CBLN2: variants seen among roughly 807,000 people sequenced by gnomAD.
The protein encoded by CBLN2 is cerebellin-2.
In CBLN2, 7 loss-of-function variants were observed where a neutral mutation model predicts 15.0. That is an observed-to-expected ratio of 0.47 (90% confidence interval 0.27 to 0.88). CBLN2 has a LOEUF of 0.88. Among genes scored for constraint, CBLN2 ranks in the 40% least tolerant of loss-of-function variants. The probability of loss-of-function intolerance (pLI) is 0.14; values close to 1 mark genes in which losing one functional copy is unlikely to be tolerated. For synonymous variants in CBLN2, 149 were observed against 135.2 expected, an observed-to-expected ratio of 1.10 and a Z score of -0.71; for missense variants, 242 against 304.5, an observed-to-expected ratio of 0.79 and a Z score of 1.53.
intron 1 of CBLN2, among the ~76,000 whole-genome samples, chr18:72,614,611 A>T (rs2069644986): frequency 6.6e-6 from 1 of 152,176 alleles, no homozygotes; most frequent in Non-Finnish European, 1.5e-5. Context: ...CTATACCAAC[A>T]TTCATCTAAC....
At chr18:72,613,581 A>G (rs568117098) in intron 1 of CBLN2, among the ~76,000 whole-genome samples, 5 of 152,282 alleles carry the variant, frequency 3.3e-5, no homozygotes, top group African/African-American at 1.2e-4. Flanking sequence ...GCTATTTGCA[A>G]TAACCTGATA....
chr18:72,615,278 A>G (rs1390362608), intron 1 of CBLN2, among the ~76,000 whole-genome samples: 2 of 15,472 alleles, frequency 1.3e-4, no homozygotes, highest in East Asian at 2.8e-3. Context: ...TTATATATAT[A>G]TATATTTTTT....
intron 1 of CBLN2, among the ~76,000 whole-genome samples, chr18:72,549,801 T>A (rs1284307616): frequency 6.6e-6 from 1 of 152,206 alleles, no homozygotes; most frequent in African/African-American, 2.4e-5. Context: ...CTGTATAAGA[T>A]TATTCTATCA....
intron 1 of CBLN2, among the ~76,000 whole-genome samples, chr18:72,608,831 G>A (rs2069601755): frequency 6.6e-6 from 1 of 152,174 alleles, no homozygotes; most frequent in Non-Finnish European, 1.5e-5. Context: ...CCACATGGCT[G>A]GGGAGACCTC....
chr18:72,608,153 C>T (rs900695479), intron 1 of CBLN2, among the ~76,000 whole-genome samples: 17 of 152,228 alleles, frequency 1.1e-4, no homozygotes, highest in Middle Eastern at 3.4e-3. Flanking sequence ...ACTTTTCATA[C>T]GACAGCTGCT....
chr18:72,636,486 A>G (rs1384727658), intron 1 of CBLN2, among the ~76,000 whole-genome samples: 3 of 152,180 alleles, frequency 2.0e-5, no homozygotes, highest in Non-Finnish European at 4.4e-5. Flanking sequence ...GGATGGTTGT[A>G]TCTTTATCAA....
intron 1 of CBLN2, among the ~76,000 whole-genome samples, chr18:72,623,147 A>G (rs919502470): frequency 2.6e-5 from 4 of 152,036 alleles, no homozygotes; most frequent in Non-Finnish European, 4.4e-5. Context: ...GTGAGAACTC[A>G]CTCACTATCA....
intron 3 of CBLN2, chr18:72,539,327 C>T (rs1232945038): frequency 1.3e-5 from 2 of 153,176 alleles, no homozygotes; most frequent in African/African-American, 4.8e-5. Flanking sequence ...ACAATGGTCT[C>T]TGTGAGGTTT....
chr18:72,582,752 G>T (rs1025033017), intron 1 of CBLN2, among the ~76,000 whole-genome samples: 2 of 152,166 alleles, frequency 1.3e-5, no homozygotes, highest in Non-Finnish European at 2.9e-5. Flanking sequence ...TGGAAAAGCA[G>T]TTTCCCTGGG....
upstream of CBLN2, among the ~76,000 whole-genome samples, chr18:72,549,153 A>G (rs991349906): frequency 2.6e-5 from 4 of 152,174 alleles, no homozygotes; most frequent in East Asian, 7.7e-4. Context: ...CTGGGATTAC[A>G]GGTGTGCACC....
rs1463310571 is a variant in CBLN2 at position 72,543,389 on chromosome 18, C to T, written c.-167+97G>A. 1.8e-5 allele frequency: 7 copies of T among 397,596 alleles called. No individual in the cohort carries two copies. Among genetic ancestry groups the T allele is most frequent in the Non-Finnish European group, 1.3e-5 (3 of 225,516 alleles). 24.6% of individuals were successfully genotyped at this position (397,596 alleles called of 1,614,324 possible). ...CATGATTTCCCTTCTCTCTCTCCAC[C>T]TCCTCCACCCCTCGATCTGGACCAG... On this transcript the variant is annotated intron_variant, in intron 2 of 4. Transcript: ENST00000269503. This position sits in a 1 kb window ranked among gnomAD's most constrained non-coding sequence, Gnocchi z 6.8.
chr18:72,562,348 A>G (rs775422908), intron 1 of CBLN2, among the ~76,000 whole-genome samples: 1 of 152,198 alleles, frequency 6.6e-6, no homozygotes, highest in Non-Finnish European at 1.5e-5. Flanking sequence ...AAACATTTAG[A>G]TAAAACGGAA....
At chr18:72,549,822 T>G (rs780007192) in intron 1 of CBLN2, among the ~76,000 whole-genome samples, 4 of 152,230 alleles carry the variant, frequency 2.6e-5, no homozygotes, top group Non-Finnish European at 5.9e-5. Flanking sequence ...GGGGTTACTC[T>G]GTAATTGTCA....
chr18:72,601,240 C>T (rs1304329985), intron 1 of CBLN2, among the ~76,000 whole-genome samples: 2 of 152,104 alleles, frequency 1.3e-5, no homozygotes. Flanking sequence ...ACCTACGCCC[C>T]GGATTGACCA....
Position 72,538,391 on chromosome 18 carries a change from G to A in CBLN2, c.478-18C>T, listed in dbSNP as rs746393647. The A allele has an allele frequency of 4.3e-6, 7 of 1,612,808 alleles. No individual in the cohort carries two copies. Among genetic ancestry groups the A allele is most frequent in the Non-Finnish European group, 4.2e-6 (5 of 1,179,218 alleles). On this transcript the variant is annotated intron_variant, in intron 4 of 4. Transcript: ENST00000269503. ...AAACTGACCTAAAATGCAGAGAGTAGAGCTCAGCAGACCATAAAGCACCCA... is the reference window on the plus strand; with the variant it reads ...AAACTGACCTAAAATGCAGAGAGTAAAGCTCAGCAGACCATAAAGCACCCA...
chr18:72,572,262 AT>A (rs34860718), intron 1 of CBLN2, among the ~76,000 whole-genome samples: 9,275 of 147,534 alleles, frequency 0.063, 916 homozygotes, highest in East Asian at 0.51. Context: ...AGAATCATTG[AT>A]TTTTTTTTTT....
intron 1 of CBLN2, among the ~76,000 whole-genome samples, chr18:72,636,270 T>TG (rs1374557554): frequency 2.6e-5 from 4 of 152,236 alleles, no homozygotes; most frequent in Non-Finnish European, 4.4e-5. Context: ...TATTTTTACA[T>TG]AAGCAAGCAT....
At chr18:72,538,960 G>A in intron 3 of CBLN2, 188 bp from the exon 4 acceptor site, 1 of 572,616 alleles carries the variant, frequency 1.7e-6, no homozygotes, top group Non-Finnish European at 3.0e-6. Context: ...ATAGCAGGAA[G>A]TAATCTCAAA....
At chr18:72,566,165 C>G (rs2069293793) in intron 1 of CBLN2, among the ~76,000 whole-genome samples, 1 of 152,058 alleles carries the variant, frequency 6.6e-6, no homozygotes. Context: ...GACAAAAGAT[C>G]ACAGGTGTTG....
Sources: allele counts gnomAD v4.1 joint callset (sites outside exome capture counted in the v4.1 genomes callset), GRCh38; gene constraint gnomAD v4.1.1; non-coding constraint Gnocchi (gnomAD v3.1); transcripts MANE v1.5; gene names NCBI Gene and HGNC (gene_info 2026-07-23, HGNC 2026-07-21).